The following NSMAF variants were observed in gnomAD, a reference collection of about 807,000 sequenced individuals.
NSMAF encodes the protein neutral sphingomyelinase activation associated factor.
A neutral mutation model predicts 134.9 loss-of-function variants in NSMAF; 90 were observed. That is an observed-to-expected ratio of 0.67 (90% CI 0.56 to 0.79). NSMAF has a LOEUF of 0.79. NSMAF is among the 30% of genes least tolerant of loss of function. NSMAF has a pLI of 0.00. For synonymous variants in NSMAF, 358 were observed against 389.6 expected, an observed-to-expected ratio of 0.92 and a Z score of 0.96; for missense variants, 1,010 against 1,119.0, an observed-to-expected ratio of 0.90 and a Z score of 1.39.
At chr8:58,611,323 C>T (rs1195050594) in intron 9 of NSMAF, among the ~76,000 whole-genome samples, 2 of 152,144 alleles carry the variant, frequency 1.3e-5, no homozygotes, top group Non-Finnish European at 2.9e-5. Flanking sequence ...AAGAGGATCA[C>T]TTAAGCCCAA....
At chr8:58,659,525 G>A (rs1466701656) in intron 1 of NSMAF, 48 bp downstream of exon 1, 10 of 1,517,252 alleles carry the variant, frequency 6.6e-6, no homozygotes, top group African/African-American at 4.3e-5. Flanking sequence ...CCCCACGACC[G>A]GCCCCGACTA....
rs1056767509 is a variant in NSMAF at position 58,659,609 on chromosome 8, T to G, written c.23A>C (p.Gln8Pro). 1.7e-5 allele frequency: 25 copies of G among 1,491,884 alleles called. No individual in the cohort carries two copies. The highest frequency in any genetic ancestry group is 2.5e-5 in the Admixed American group (1 of 40,624). The allele number at this position is 1,491,884 out of a possible 1,614,324, so 92.4% of individuals were successfully genotyped here. Residue 8 changes from glutamine to proline, a missense_variant, in exon 1 of 31, where the codon CAG (glutamine) becomes CCG (proline). Physicochemically the swap from Gln to Pro is moderately conservative, Grantham distance 76. Transcript: ENST00000038176. Reference protein sequence around the residue: MAFIRKKQQEQQLQLYSK... With the variant: MAFIRKKPQEQQLQLYSK... ...GTAGAGCTGCAGCTGCTGCTCCTGC[T>G]GCTTCTTCCGGATAAACGCCATGGA...
At chr8:58,639,991 T>C (rs1433771865) in intron 2 of NSMAF, 3 of 434,874 alleles carry the variant, frequency 6.9e-6, no homozygotes, top group Non-Finnish European at 1.4e-5. Flanking sequence ...GTGGGAAAGC[T>C]CAGAGCTTTG....
At chr8:58,596,881 A>C (rs1007658882) in intron 21 of NSMAF, among the ~76,000 whole-genome samples, 2 of 150,442 alleles carry the variant, frequency 1.3e-5, no homozygotes, top group Non-Finnish European at 3.0e-5. Context: ...CAGTGAGCCG[A>C]GATGGCGCCA....
intron 20 of NSMAF, 113 bp downstream of exon 20, chr8:58,597,747 A>G: frequency 1.1e-6 from 1 of 946,730 alleles, no homozygotes; most frequent in South Asian, 1.5e-5. Context: ...TGAAAGCAAG[A>G]TAGAATTCAT....
chr8:58,632,128 C>T (rs1157572077), intron 5 of NSMAF, among the ~76,000 whole-genome samples: 1 of 152,164 alleles, frequency 6.6e-6, no homozygotes, highest in East Asian at 1.9e-4. Flanking sequence ...TCCAGCCCCT[C>T]TACTAGGGCA....
intron 11 of NSMAF, among the ~76,000 whole-genome samples, chr8:58,607,159 C>A (rs1381991639): frequency 3.3e-5 from 5 of 152,184 alleles, no homozygotes; most frequent in Non-Finnish European, 4.4e-5. Flanking sequence ...AAATGAATTT[C>A]TATTGGTGTC....
chr8:58,593,363 AATG>A (rs1484618610), intron 23 of NSMAF, among the ~76,000 whole-genome samples: 1 of 152,264 alleles, frequency 6.6e-6, no homozygotes, highest in Non-Finnish European at 1.5e-5. Flanking sequence ...GATCATAAAC[AATG>A]ATAACAGAAT....
intron 1 of NSMAF, chr8:58,659,200 C>T (rs1350673415): frequency 2.1e-6 from 3 of 1,451,086 alleles, no homozygotes; most frequent in African/African-American, 1.5e-5. Flanking sequence ...CTCACCCTCC[C>T]CTGCGAACGC....
At chr8:58,584,973 G>A (rs1355370972) in intron 30 of NSMAF, among the ~76,000 whole-genome samples, 3 of 152,186 alleles carry the variant, frequency 2.0e-5, no homozygotes, top group African/African-American at 7.2e-5. Context: ...ATGAAGTCGA[G>A]TGACACAGGG....
At chr8:58,614,307 A>G (rs1806605205) in intron 9 of NSMAF, among the ~76,000 whole-genome samples, 1 of 152,168 alleles carries the variant, frequency 6.6e-6, no homozygotes, top group Non-Finnish European at 1.5e-5. Context: ...TAACATAGGG[A>G]GAAGAAAAAC....
chr8:58,641,000 C>T (rs1807322254), intron 2 of NSMAF, among the ~76,000 whole-genome samples: 1 of 152,146 alleles, frequency 6.6e-6, no homozygotes, highest in Admixed American at 6.5e-5. Flanking sequence ...TGGCTCACTG[C>T]AACCTCCGCC....
At chr8:58,609,963 C>T (rs1364586932) in intron 9 of NSMAF, among the ~76,000 whole-genome samples, 1 of 152,120 alleles carries the variant, frequency 6.6e-6, no homozygotes, top group Non-Finnish European at 1.5e-5. Flanking sequence ...ACCACAGAAG[C>T]CATGACAGAC....
At chr8:58,595,429 T>C (rs1003741967) in intron 22 of NSMAF, 131 bp downstream of exon 22, 7 of 631,194 alleles carry the variant, frequency 1.1e-5, no homozygotes, top group Middle Eastern at 3.7e-4. Context: ...TTTGGGGAGA[T>C]TTTTAAAAAT....
chr8:58,618,639 A>T (rs1340926907), intron 9 of NSMAF, among the ~76,000 whole-genome samples: 1 of 152,148 alleles, frequency 6.6e-6, no homozygotes, highest in African/African-American at 2.4e-5. Context: ...CAACAATGTG[A>T]GTAGGAGCAG....
intron 1 of NSMAF, among the ~76,000 whole-genome samples, chr8:58,658,238 T>C (rs1807766341): frequency 6.6e-6 from 1 of 152,106 alleles, no homozygotes; most frequent in Non-Finnish European, 1.5e-5. Flanking sequence ...ACAAGAAAAA[T>C]GCATTACAAA....
chr8:58,657,648 G>T (rs1330268151), intron 1 of NSMAF, among the ~76,000 whole-genome samples: 2 of 152,216 alleles, frequency 1.3e-5, no homozygotes, highest in African/African-American at 2.4e-5. Context: ...TCATTCAAAT[G>T]CATATTCTAT....
chr8:58,595,466 C>T, intron 22 of NSMAF, 94 bp downstream of exon 22: 1 of 806,782 alleles, frequency 1.2e-6, no homozygotes. Context: ...GGGAATTTTC[C>T]CTCTGACTCA....
At chr8:58,629,136 CTCTCT>C (rs1430335544) in intron 6 of NSMAF, among the ~76,000 whole-genome samples, 2 of 152,068 alleles carry the variant, frequency 1.3e-5, no homozygotes. Context: ...TTCTTTCTCT[CTCTCT>C]TCTCTTTCTT....
Sources: allele counts gnomAD v4.1 joint callset (sites outside exome capture counted in the v4.1 genomes callset), GRCh38; gene constraint gnomAD v4.1.1; transcripts MANE v1.5; gene names NCBI Gene and HGNC (gene_info 2026-07-23, HGNC 2026-07-21).